NME7: variants seen among roughly 807,000 people sequenced by gnomAD.
NME7 encodes NME/NM23 family member 7, also known as nucleoside diphosphate kinase 7.
In NME7, 41 loss-of-function variants were observed where a neutral mutation model predicts 49.1. That is an observed-to-expected ratio of 0.83 (90% CI 0.65 to 1.08). The LOEUF (loss-of-function observed/expected upper bound fraction) is 1.08. NME7 is among the 50% of genes least tolerant of loss of function. NME7 has a pLI of 0.00. For synonymous variants in NME7, 139 were observed against 150.6 expected (o/e 0.92, Z 0.56); for missense variants, 423 against 463.4 (o/e 0.91, Z 0.80).
chr1:169,367,214 T>C (rs1320898240), intron 1 of NME7, among the ~76,000 whole-genome samples: 3 of 151,922 alleles, frequency 2.0e-5, no homozygotes, highest in African/African-American at 7.3e-5. Flanking sequence ...GGTAACCAAC[T>C]GGATAGAAGA....
chr1:169,358,621 A>C (rs1179273429), intron 1 of NME7, among the ~76,000 whole-genome samples: 1 of 152,122 alleles, frequency 6.6e-6, no homozygotes, highest in South Asian at 2.1e-4. Flanking sequence ...AATTACAAAG[A>C]AATATTGTAG....
chr1:169,350,174 A>G (rs1392562632), intron 1 of NME7, among the ~76,000 whole-genome samples: 3 of 142,278 alleles, frequency 2.1e-5, no homozygotes, highest in East Asian at 1.9e-4. Flanking sequence ...AAGAAGAAAG[A>G]AAGGAAGGAA....
intron 11 of NME7, among the ~76,000 whole-genome samples, chr1:169,144,186 G>T (rs538959944): frequency 2.8e-4 from 42 of 152,124 alleles, no homozygotes; most frequent in African/African-American, 9.6e-4. Flanking sequence ...ACTGTAGCCT[G>T]GGCAACATAG....
At chr1:169,301,950 C>G (rs188094146) in intron 5 of NME7, 17 of 152,192 alleles carry the variant, frequency 1.1e-4, no homozygotes, top group Admixed American at 9.2e-4. Context: ...GAAAAACTAC[C>G]TATTGGGTAC....
intron 6 of NME7, among the ~76,000 whole-genome samples, chr1:169,291,390 C>G (rs150341451): frequency 1.3e-5 from 2 of 152,192 alleles, no homozygotes; most frequent in East Asian, 3.9e-4. Flanking sequence ...AACCATCATT[C>G]TCAGCAAACT....
At chr1:169,294,504 A>T (rs1650631174) in intron 6 of NME7, among the ~76,000 whole-genome samples, 1 of 152,190 alleles carries the variant, frequency 6.6e-6, no homozygotes, top group Admixed American at 6.5e-5. Flanking sequence ...ACTAATAGGA[A>T]TTCAAGGTAA....
Position 169,132,769 on chromosome 1 carries a change from T to C in NME7, c.*16A>G, listed in dbSNP as rs1437922245. On this transcript the variant is annotated 3_prime_UTR_variant, in exon 12 of 12. Transcript: ENST00000367811. ...TCTAAATGTCCCAACCTGTGACTTC[T>C]TTACTTTCCACACCACTAATTATCC... 1 of 1,611,724 alleles carries C rather than the reference T, an allele frequency of 6.2e-7. No individual in the cohort carries two copies. The highest frequency in any genetic ancestry group is 8.5e-7 in the Non-Finnish European group (1 of 1,178,468).
intron 11 of NME7, among the ~76,000 whole-genome samples, chr1:169,134,732 G>C (rs1658373963): frequency 1.3e-5 from 2 of 152,044 alleles, no homozygotes; most frequent in African/African-American, 4.8e-5. Context: ...TTTAAAACAA[G>C]TAGTTTTCCA....
chr1:169,175,356 C>CT (rs1349540108), intron 10 of NME7, among the ~76,000 whole-genome samples: 4 of 152,024 alleles, frequency 2.6e-5, no homozygotes, highest in Non-Finnish European at 5.9e-5. Flanking sequence ...TTACAGTTAA[C>CT]TTTTTTTCTA....
intron 3 of NME7, among the ~76,000 whole-genome samples, chr1:169,318,711 T>C (rs1378738001): frequency 6.6e-6 from 1 of 152,022 alleles, no homozygotes; most frequent in Non-Finnish European, 1.5e-5. Flanking sequence ...GACATAAATT[T>C]GGAAAGCAAC....
intron 5 of NME7, among the ~76,000 whole-genome samples, chr1:169,300,644 A>C (rs1650900849): frequency 1.3e-5 from 2 of 152,166 alleles, no homozygotes; most frequent in Admixed American, 1.3e-4. Flanking sequence ...GGTTCCATGA[A>C]CATTGCTTTA....
intron 10 of NME7, among the ~76,000 whole-genome samples, chr1:169,212,111 T>C (rs1173987874): frequency 6.6e-6 from 1 of 152,154 alleles, no homozygotes; most frequent in Non-Finnish European, 1.5e-5. Context: ...TTTTCTAGTA[T>C]GTAATTTTTA....
At chr1:169,291,617 G>A (rs190306784) in intron 6 of NME7, among the ~76,000 whole-genome samples, 47 of 151,434 alleles carry the variant, frequency 3.1e-4, no homozygotes, top group Admixed American at 9.9e-4. Context: ...AAACCTGCAC[G>A]TTACGCACAT....
At chr1:169,256,007 C>T (rs1462033862) in intron 7 of NME7, among the ~76,000 whole-genome samples, 2 of 133,186 alleles carry the variant, frequency 1.5e-5, no homozygotes, top group Non-Finnish European at 3.5e-5. Context: ...TTTTTACCTT[C>T]ATTTCAACTT....
chr1:169,323,073 C>T (rs757249649), intron 3 of NME7, 44 bp downstream of exon 3: 1 of 1,436,550 alleles, frequency 7.0e-7, no homozygotes, highest in Admixed American at 2.4e-5. Context: ...GACTTTGAAC[C>T]CAAAGTTAGA....
Position 169,132,632 on chromosome 1 carries a change from C to G in NME7, c.*153G>C. On this transcript the variant is annotated 3_prime_UTR_variant, in exon 12 of 12. Transcript: ENST00000367811. ...CTACAGTGCAAAATCCATGTTCTAA[C>G]ATATGTAATAATTGCCAGGAGTACA... 1.6e-6 allele frequency: 1 copy of G among 640,164 alleles called. No homozygotes were observed. Among genetic ancestry groups the G allele is most frequent in the Non-Finnish European group, 2.7e-6 (1 of 374,982 alleles). The allele number at this position is 640,164 out of a possible 1,614,324, so 39.7% of individuals were successfully genotyped here. A position where few individuals can be genotyped will look rare whatever the true frequency, so the allele number is the denominator to read the frequency against.
intron 11 of NME7, among the ~76,000 whole-genome samples, chr1:169,144,990 TATG>T (rs1487353252): frequency 6.6e-6 from 1 of 152,222 alleles, no homozygotes; most frequent in Non-Finnish European, 1.5e-5. Flanking sequence ...AACGTACCAT[TATG>T]ATGACTTTAT....
intron 10 of NME7, among the ~76,000 whole-genome samples, chr1:169,191,778 T>G (rs148126194): frequency 2.4e-4 from 36 of 152,308 alleles, no homozygotes; most frequent in Admixed American, 2.2e-3. Context: ...TATTTGCATA[T>G]TACATAAAAA....
chr1:169,190,907 G>C lies in NME7; in HGVS notation c.991-21353C>G. On this transcript the variant is annotated intron_variant, in intron 10 of 11. Coordinates refer to ENST00000367811, the MANE Select transcript of NME7 (RefSeq NM_013330.5). ...GGCTCACTGCAAGCTCCGCCTCCCGGGTTCACGCCATTCTCCTGCCTCAGC... is the reference window on the plus strand; with the variant it reads ...GGCTCACTGCAAGCTCCGCCTCCCGCGTTCACGCCATTCTCCTGCCTCAGC... 2.4e-5 allele frequency among the ~76,000 whole-genome samples: 2 copies of C among 83,408 alleles called. 1 individual carries two copies. The highest frequency in any genetic ancestry group is 5.2e-5 in the Non-Finnish European group (2 of 38,320). The allele number at this position is 83,408 out of a possible 152,430, so 54.7% of individuals were successfully genotyped here.
Sources: allele counts gnomAD v4.1 joint callset (sites outside exome capture counted in the v4.1 genomes callset), GRCh38; gene constraint gnomAD v4.1.1; transcripts MANE v1.5; gene names NCBI Gene and HGNC (gene_info 2026-07-23, HGNC 2026-07-21).